The following RAB37 variants were observed in gnomAD, a reference collection of about 807,000 sequenced individuals.
RAB37 encodes the protein ras-related protein Rab-37.
Under a neutral mutation model 33.1 loss-of-function variants are expected in RAB37, and 29 were observed. The observed-to-expected ratio is 0.88, with a 90% CI of 0.65 to 1.20. RAB37 has a LOEUF of 1.20. Ranked by LOEUF, RAB37 falls within the 50% of genes most tolerant of loss-of-function variation. The pLI is 0.00. For missense variants in RAB37, 299 were observed against 301.1 expected (o/e 0.99, Z 0.05); for synonymous variants, 128 against 119.5 (o/e 1.07, Z -0.47).
intron 1 of RAB37, among the ~76,000 whole-genome samples, chr17:74,723,854 A>G (rs373044017): frequency 1.4e-4 from 22 of 152,114 alleles, no homozygotes; most frequent in African/African-American, 5.1e-4. Flanking sequence ...GATTACAGGC[A>G]TGAGCCACCG....
chr17:74,690,097 G>A (rs764676771), intron 1 of RAB37, among the ~76,000 whole-genome samples: 33 of 152,056 alleles, frequency 2.2e-4, no homozygotes, highest in Non-Finnish European at 3.8e-4. Context: ...GTCTACAGTC[G>A]TGCACAACCA....
Position 74,703,054 on chromosome 17 carries a change from C to T in RAB37, c.73-26202C>T, listed in dbSNP as rs756999671. 1.2e-5 allele frequency: 20 copies of T among 1,613,738 alleles called. No individual in the cohort carries two copies. In the South Asian group the frequency reaches 1.8e-4, roughly 14 times the overall value. ...GCTTACCTGTTGTCCAAGTGGTGGC[C>T]GGTCAGAGTTGGGGAGCTGCTAGTT... is the stretch of plus-strand genomic sequence containing the variant. On this transcript the variant is annotated intron_variant, in intron 1 of 7. Transcript: ENST00000340415.
chr17:74,681,308 A>G (rs1400194553), intron 1 of RAB37, among the ~76,000 whole-genome samples: 1 of 152,190 alleles, frequency 6.6e-6, no homozygotes, highest in African/African-American at 2.4e-5. Flanking sequence ...GAGGGGTTAT[A>G]AAGCCCAAAG....
chr17:74,715,523 T>C (rs1265328817), intron 1 of RAB37, among the ~76,000 whole-genome samples: 3 of 152,094 alleles, frequency 2.0e-5, no homozygotes, highest in East Asian at 1.9e-4. Flanking sequence ...AGGGAAGCCA[T>C]TGGCTTCCAG....
chr17:74,685,591 G>A (rs1015431262), intron 1 of RAB37, among the ~76,000 whole-genome samples: 1 of 152,170 alleles, frequency 6.6e-6, no homozygotes, highest in Non-Finnish European at 1.5e-5. Context: ...TTCAGTGGTT[G>A]TTCAAGGGCA....
At chr17:74,696,935 T>TTTGGC (rs1413686762) in intron 1 of RAB37, among the ~76,000 whole-genome samples, 1 of 151,658 alleles carries the variant, frequency 6.6e-6, no homozygotes, top group East Asian at 1.9e-4. Flanking sequence ...TTTGGTTTGG[T>TTTGGC]TTGGTTTGGT....
intron 1 of RAB37, among the ~76,000 whole-genome samples, chr17:74,690,597 G>A (rs563086191): frequency 6.6e-6 from 1 of 152,192 alleles, no homozygotes; most frequent in East Asian, 1.9e-4. Flanking sequence ...TTCCTTTCCT[G>A]CCTCTTGCGT....
rs374219095 is a variant in RAB37 at position 74,704,697 on chromosome 17, G to C, written c.73-24559G>C. The C allele has an allele frequency of 9.3e-6, 15 of 1,613,952 alleles. No homozygotes were observed. The highest frequency in any genetic ancestry group is 1.3e-5 in the Non-Finnish European group (15 of 1,180,038). ...TTGCAGTCACGCCAAATAGCTCCTCGACACCACCACTTCAAGTAGGTCTCC... is the reference window on the plus strand; with the variant it reads ...TTGCAGTCACGCCAAATAGCTCCTCCACACCACCACTTCAAGTAGGTCTCC... On this transcript the variant is annotated intron_variant, in intron 1 of 7. Transcript: ENST00000340415.
intron 1 of RAB37, chr17:74,704,617 G>C (rs1480115213): frequency 1.2e-6 from 2 of 1,614,008 alleles, no homozygotes; most frequent in South Asian, 2.2e-5. Flanking sequence ...TGTCCTTGAT[G>C]GACACCCGGT....
chr17:74,708,945 C>A (rs984186706), intron 1 of RAB37, among the ~76,000 whole-genome samples: 3 of 149,176 alleles, frequency 2.0e-5, no homozygotes, highest in Non-Finnish European at 4.4e-5. Context: ...AATAAGGAGG[C>A]CAGGCACGGT....
intron 1 of RAB37, among the ~76,000 whole-genome samples, chr17:74,718,027 G>A (rs921016580): frequency 6.6e-6 from 1 of 151,972 alleles, no homozygotes; most frequent in African/African-American, 2.4e-5. Flanking sequence ...AGGGCATAGT[G>A]GCCCACACCT....
At chr17:74,732,274 G>T (rs1598314435), upstream of RAB37, among the ~76,000 whole-genome samples, 1 of 152,162 alleles carries the variant, frequency 6.6e-6, no homozygotes, top group Admixed American at 6.5e-5. Flanking sequence ...GAATCTGGGG[G>T]TTCTGACCCA....
At chr17:74,736,423 A>T, upstream of RAB37, 1 of 578,476 alleles carries the variant, frequency 1.7e-6, no homozygotes, top group Non-Finnish European at 2.2e-6. Context: ...ACTCTCTGTC[A>T]CCAGGAGCTG....
At chr17:74,693,126 G>A (rs1404446818) in intron 1 of RAB37, among the ~76,000 whole-genome samples, 1 of 152,198 alleles carries the variant, frequency 6.6e-6, no homozygotes, top group Non-Finnish European at 1.5e-5. Flanking sequence ...TGCCCCCTAA[G>A]TGGCCAAGGA....
intron 1 of RAB37, chr17:74,712,903 G>A: frequency 6.2e-7 from 1 of 1,610,182 alleles, no homozygotes; most frequent in Non-Finnish European, 8.5e-7. Context: ...CCTCAGTGGA[G>A]CCTGGCAGCA....
rs1404081446 is a variant in RAB37 at position 74,746,116 on chromosome 17, T to C, written c.*705T>C. ...GGAAATATTGGTTCCAGGCTCCTGT[T>C]CTCTGGACTTCAGATCCTGGGGGAG... is the stretch of plus-strand genomic sequence containing the variant. On this transcript the variant is annotated 3_prime_UTR_variant, in exon 9 of 9. Transcript: ENST00000392613. The surrounding 1 kb of genome is among the most constrained non-coding windows in gnomAD (Gnocchi z 5.2). 6.6e-6 allele frequency: 1 copy of C among 152,214 alleles called. No homozygotes were observed. The allele number at this position is 152,214 out of a possible 1,614,324, so 9.4% of individuals were successfully genotyped here.
chr17:74,673,216 C>T (rs1354099101), intron 1 of RAB37, among the ~76,000 whole-genome samples: 2 of 151,802 alleles, frequency 1.3e-5, no homozygotes, highest in Non-Finnish European at 2.9e-5. Context: ...CCAGCCTGGC[C>T]AACATGGTAA....
At chr17:74,680,343 G>A (rs1372600491) in intron 1 of RAB37, among the ~76,000 whole-genome samples, 4 of 152,074 alleles carry the variant, frequency 2.6e-5, no homozygotes, top group African/African-American at 9.7e-5. Flanking sequence ...CAGCTCTGTA[G>A]AGCTGGTTTT....
At chr17:74,686,179 G>A (rs985302101) in intron 1 of RAB37, among the ~76,000 whole-genome samples, 1 of 151,748 alleles carries the variant, frequency 6.6e-6, no homozygotes, top group African/African-American at 2.4e-5. Flanking sequence ...CGTAACCTCT[G>A]CTTCCAGGTT....
Sources: allele counts gnomAD v4.1 joint callset (sites outside exome capture counted in the v4.1 genomes callset), GRCh38; gene constraint gnomAD v4.1.1; non-coding constraint Gnocchi (gnomAD v3.1); transcripts MANE v1.5; gene names NCBI Gene and HGNC (gene_info 2026-07-23, HGNC 2026-07-21).